ZBTB25: variants seen among roughly 807,000 people sequenced by gnomAD.
The protein encoded by ZBTB25 is zinc finger and BTB domain containing 25.
A neutral mutation model predicts 34.2 loss-of-function variants in ZBTB25; 20 were observed. The ratio of observed to expected loss-of-function variants is 0.58; its 90% CI spans 0.41 to 0.85. The LOEUF (loss-of-function observed/expected upper bound fraction) is 0.85. Ranked by LOEUF, ZBTB25 falls within the 40% of genes least tolerant of loss-of-function variation. ZBTB25 has a pLI of 0.00. For missense variants in ZBTB25, 437 were observed against 521.8 expected, an observed-to-expected ratio of 0.84 and a Z score of 1.58; for synonymous variants, 175 against 186.4, an observed-to-expected ratio of 0.94 and a Z score of 0.50.
chr14:64,498,586 C>A (rs2079365302), intron 1 of ZBTB25, among the ~76,000 whole-genome samples: 1 of 152,144 alleles, frequency 6.6e-6, no homozygotes, highest in Non-Finnish European at 1.5e-5. Context: ...GCTGGGATTA[C>A]AGGCGTAGGC....
intron 2 of ZBTB25, chr14:64,455,212 T>C (rs1347962768): frequency 2.8e-6 from 1 of 355,544 alleles, no homozygotes; most frequent in Non-Finnish European, 5.4e-6. Flanking sequence ...TTAATGTTTA[T>C]TGGGAGCCTT....
At chr14:64,502,816 CTG>C (rs1210428869) in intron 1 of ZBTB25, 1 of 968,436 alleles carries the variant, frequency 1.0e-6, no homozygotes, top group Non-Finnish European at 1.2e-6. Flanking sequence ...GGTGTCTTCT[CTG>C]TAAAACGAGA....
intron 2 of ZBTB25, among the ~76,000 whole-genome samples, chr14:64,452,462 C>T (rs908162137): frequency 6.6e-6 from 1 of 152,108 alleles, no homozygotes; most frequent in African/African-American, 2.4e-5. Flanking sequence ...AATCTTAATG[C>T]CCTGAACTAG....
chr14:64,498,726 C>T (rs535099176), intron 1 of ZBTB25, among the ~76,000 whole-genome samples: 15 of 152,010 alleles, frequency 9.9e-5, no homozygotes, highest in African/African-American at 3.1e-4. Context: ...CTCCGCCTCC[C>T]GGGTTCGCGC....
At chr14:64,468,464 G>A in intron 2 of ZBTB25, 2 of 1,614,056 alleles carry the variant, frequency 1.2e-6, no homozygotes, top group Non-Finnish European at 1.7e-6. Flanking sequence ...AGGTAGTCCT[G>A]GGGCTGAAAG....
At chr14:64,472,702 G>A (rs1379585288) in intron 2 of ZBTB25, 3 of 166,862 alleles carry the variant, frequency 1.8e-5, no homozygotes, top group African/African-American at 7.2e-5. Context: ...TCCTATTACA[G>A]TGAATTCTAA....
chr14:64,494,488 C>T (rs1373989469), intron 1 of ZBTB25, among the ~76,000 whole-genome samples: 1 of 152,254 alleles, frequency 6.6e-6, no homozygotes, highest in East Asian at 1.9e-4. Flanking sequence ...CAAAAATTAG[C>T]CAGGTGTGGT....
chr14:64,454,932 G>A (rs781649383), intron 2 of ZBTB25: 10 of 1,576,568 alleles, frequency 6.3e-6, no homozygotes, highest in Non-Finnish European at 7.9e-6. Flanking sequence ...TCTGAAGTGT[G>A]TTGCCGAAAC....
Position 64,487,494 on chromosome 14 carries a change from C to G in ZBTB25, c.737G>C (p.Arg246Pro). 6.2e-7 allele frequency: 1 copy of G among 1,614,132 alleles called. No homozygotes were observed. Among genetic ancestry groups the G allele is most frequent in the Non-Finnish European group, 8.5e-7 (1 of 1,179,992 alleles). The stretch of plus-strand genomic sequence containing the variant: ...CCTTAGGTTACTACGGGAATCAAAA[C>G]GTTCCCCACAGTAATGGCATAAGTG... ...KIHLCHYCGE[R>P]FDSRSNLRQH... The change falls in exon 3 of 3, where the codon CGT becomes CCT. Residue 246 changes from arginine to proline, a missense_variant. Physicochemically the swap from Arg to Pro is moderately radical, Grantham distance 103. Transcript: ENST00000608382.
rs1411010520 is a variant in ZBTB25, at chr14:64,490,431, A to G, written c.103T>C (p.Phe35Leu). The G allele has an allele frequency of 6.2e-7, 1 of 1,613,866 alleles. No homozygotes were observed. Among genetic ancestry groups the G allele is most frequent in the Non-Finnish European group, 8.5e-7 (1 of 1,179,920 alleles). ...GCAAGCACTGCTCTGTGGGCTTTGA[A>G]GTAAACATCTCCAATTGCAACTGTG... Reference protein sequence around the residue: ...DCTVAIGDVYFKAHRAVLAAF... With the variant: ...DCTVAIGDVYLKAHRAVLAAF... Residue 35 changes from phenylalanine to leucine, a missense_variant, in exon 2 of 3, where the codon TTC (phenylalanine) becomes CTC (leucine). Coordinates refer to ENST00000608382, the MANE Select transcript of ZBTB25 (RefSeq NM_006977.5).
At chr14:64,492,629 G>A (rs767399531) in intron 1 of ZBTB25, among the ~76,000 whole-genome samples, 1 of 150,530 alleles carries the variant, frequency 6.6e-6, no homozygotes, top group East Asian at 1.9e-4. Flanking sequence ...CCAAACCCTC[G>A]GATCATAAAC....
intron 2 of ZBTB25, chr14:64,459,730 A>G: frequency 6.6e-7 from 1 of 1,518,520 alleles, no homozygotes; most frequent in Non-Finnish European, 8.8e-7. Context: ...TGCTTAGAGA[A>G]AACATTTATT....
chr14:64,457,281 G>C (rs112200531), intron 2 of ZBTB25, among the ~76,000 whole-genome samples: 3,759 of 152,212 alleles, frequency 0.025, 53 homozygotes, highest in Middle Eastern at 0.054. Flanking sequence ...CCTCCTTTTG[G>C]TCTTGCAAAG....
intron 2 of ZBTB25, chr14:64,467,015 G>A (rs2078619130): frequency 6.6e-6 from 1 of 152,128 alleles, no homozygotes; most frequent in Non-Finnish European, 1.5e-5. Context: ...TCAAAAGCTT[G>A]GTTTTCAAAT....
chr14:64,503,524 G>T, intron 1 of ZBTB25, 137 bp downstream of exon 1: 1 of 985,836 alleles, frequency 1.0e-6, no homozygotes, highest in Non-Finnish European at 1.2e-6. Context: ...CATCTCAATC[G>T]GACCAAAAAC....
chr14:64,489,257 T>A (rs921218043), intron 2 of ZBTB25, among the ~76,000 whole-genome samples: 2 of 151,620 alleles, frequency 1.3e-5, no homozygotes, highest in Non-Finnish European at 2.9e-5. Flanking sequence ...GTGACAGAGC[T>A]AGACTCCGTC....
chr14:64,449,311 C>G (rs552710726), exon 3 of ZBTB25: 20 of 1,067,700 alleles, frequency 1.9e-5, no homozygotes, highest in Non-Finnish European at 2.5e-5. Flanking sequence ...AGCTGAGATT[C>G]AAACCCAGGC....
intron 1 of ZBTB25, among the ~76,000 whole-genome samples, chr14:64,490,861 T>C (rs1241069580): frequency 6.6e-6 from 1 of 152,260 alleles, no homozygotes; most frequent in Non-Finnish European, 1.5e-5. Flanking sequence ...ACAATGTTTC[T>C]AATCTTGTTT....
Position 64,486,992 on chromosome 14 carries a change from GT to G in ZBTB25, c.1238del (p.His413ProfsTer2). 6.2e-7 allele frequency: 1 copy of G among 1,614,186 alleles called. No homozygotes were observed. Among genetic ancestry groups the G allele is most frequent in the Non-Finnish European group, 8.5e-7 (1 of 1,180,040 alleles). On this transcript the variant is annotated frameshift_variant, in exon 3 of 3. Coordinates refer to ENST00000608382, the MANE Select transcript of ZBTB25 (RefSeq NM_006977.5). LOFTEE classifies it high-confidence loss of function. ...SLKSSRLSQEHLDLPCALESE... is the reference protein window; with the variant it reads ...SLKSSRLSQEXLDLPCALESE... ...ACTCTAAGGCACAAGGCAAGTCTAA[GT>G]GTTCTTGTGACAAGCGAGAACTTTT...
Sources: allele counts gnomAD v4.1 joint callset (sites outside exome capture counted in the v4.1 genomes callset), GRCh38; gene constraint gnomAD v4.1.1; transcripts MANE v1.5; gene names NCBI Gene and HGNC (gene_info 2026-07-23, HGNC 2026-07-21).